The following PACC1 variants were observed in gnomAD, a reference collection of about 807,000 sequenced individuals.
The protein encoded by PACC1 is proton-activated chloride channel.
PACC1 carries 34 observed loss-of-function variants against 39.7 expected under a neutral mutation model. The ratio of observed to expected loss-of-function variants is 0.86; its 90% CI spans 0.65 to 1.14. The LOEUF (loss-of-function observed/expected upper bound fraction) is 1.14. PACC1 is among the 50% of genes most tolerant of loss of function. PACC1 has a pLI of 0.00. For missense variants in PACC1, 379 were observed against 436.4 expected, an observed-to-expected ratio of 0.87 and a Z score of 1.17; for synonymous variants, 127 against 160.6, an observed-to-expected ratio of 0.79 and a Z score of 1.58.
chr1:212,402,108 T>C (rs1661738021), intron 2 of PACC1, among the ~76,000 whole-genome samples: 4 of 152,242 alleles, frequency 2.6e-5, no homozygotes, highest in Admixed American at 2.0e-4. Flanking sequence ...CTATGAATAT[T>C]CATGTACACA....
intron 2 of PACC1, among the ~76,000 whole-genome samples, chr1:212,396,801 T>G (rs1245352024): frequency 7.5e-3 from 7 of 938 alleles, no homozygotes; most frequent in African/African-American, 0.038. Context: ...AAAAAATATC[T>G]ATCTATCTAT....
chr1:212,386,756 T>G lies in PACC1; in HGVS notation c.343+135A>C. The G allele has an allele frequency of 1.2e-6, 1 of 824,980 alleles. No homozygotes were observed. The highest frequency in any genetic ancestry group is 2.0e-6 in the Non-Finnish European group (1 of 496,794). 51.1% of individuals were successfully genotyped at this position (824,980 alleles called of 1,614,324 possible). The stretch of plus-strand genomic sequence containing the variant: ...ACAGCAGCTCCTTGGGCATAGACTC[T>G]ATACCTAGACTATGCTTGGTTGGAC... On this transcript the variant is annotated intron_variant, in intron 3 of 7. Transcript: ENST00000261455. This position sits in a 1 kb window ranked among gnomAD's most constrained non-coding sequence, Gnocchi z 5.0.
chr1:212,398,409 G>A (rs1011711125), intron 2 of PACC1, among the ~76,000 whole-genome samples: 1 of 152,196 alleles, frequency 6.6e-6, no homozygotes, highest in Non-Finnish European at 1.5e-5. Flanking sequence ...CTATAAACCA[G>A]TGAATGTTCC....
intron 4 of PACC1, among the ~76,000 whole-genome samples, chr1:212,381,394 T>C (rs1481770762): frequency 6.6e-6 from 1 of 152,180 alleles, no homozygotes; most frequent in Non-Finnish European, 1.5e-5. Flanking sequence ...TGTCCATCTA[T>C]TTATTTTTCA....
intron 4 of PACC1, among the ~76,000 whole-genome samples, chr1:212,382,622 C>T (rs532118414): frequency 8.1e-4 from 124 of 152,290 alleles, no homozygotes; most frequent in South Asian, 1.9e-3. Flanking sequence ...TGATTAGATG[C>T]GAACAGCCAG....
At chr1:212,407,607 T>C (rs1661965110) in intron 2 of PACC1, among the ~76,000 whole-genome samples, 1 of 152,208 alleles carries the variant, frequency 6.6e-6, no homozygotes, top group Non-Finnish European at 1.5e-5. Flanking sequence ...ATATTGGGCT[T>C]TAATAAAAGA....
At chr1:212,400,914 A>G (rs1661686634) in intron 2 of PACC1, among the ~76,000 whole-genome samples, 1 of 152,198 alleles carries the variant, frequency 6.6e-6, no homozygotes, top group East Asian at 1.9e-4. Flanking sequence ...GTTACTGAAA[A>G]TATCATGGAA....
At chr1:212,366,712 C>T (rs545558160) in intron 7 of PACC1, among the ~76,000 whole-genome samples, 19 of 152,254 alleles carry the variant, frequency 1.2e-4, no homozygotes, top group South Asian at 4.1e-4. Flanking sequence ...TAATAGGTAC[C>T]TCATACTGAA....
intron 7 of PACC1, among the ~76,000 whole-genome samples, chr1:212,369,020 C>T (rs1401928418): frequency 6.6e-5 from 7 of 105,852 alleles, no homozygotes; most frequent in African/African-American, 1.4e-4. Flanking sequence ...GGTGAGACTC[C>T]GTCTCAAAAA....
At chr1:212,405,911 G>A (rs1439465871) in intron 2 of PACC1, among the ~76,000 whole-genome samples, 1 of 152,004 alleles carries the variant, frequency 6.6e-6, no homozygotes, top group Non-Finnish European at 1.5e-5. Context: ...GGAGGTCAAG[G>A]CAGGAGGATC....
At chr1:212,365,620 T>TG (rs1660212574) in intron 7 of PACC1, among the ~76,000 whole-genome samples, 2 of 151,982 alleles carry the variant, frequency 1.3e-5, no homozygotes, top group Admixed American at 1.3e-4. Flanking sequence ...TTAGTAGTGT[T>TG]ATTATCAAGA....
intron 2 of PACC1, among the ~76,000 whole-genome samples, chr1:212,394,627 G>A (rs538944194): frequency 1.3e-5 from 2 of 152,234 alleles, no homozygotes; most frequent in South Asian, 2.1e-4. Context: ...ATTCAATGAG[G>A]AAAAGAGGAA....
rs750242868 is a variant in PACC1, at chr1:212,365,353, G to T, written c.915C>A (p.Asn305Lys). 32 of 1,609,758 alleles carry T rather than the reference G, an allele frequency of 2.0e-5. No individual in the cohort carries two copies. Among genetic ancestry groups the T allele is most frequent in the South Asian group, 4.4e-5 (4 of 90,618 alleles). The change falls in exon 8 of 8, where the codon AAC becomes AAA. Residue 305 changes from asparagine to lysine, a missense_variant. By Grantham distance (94) the Asn-to-Lys change is moderately conservative (BLOSUM62 0). Transcript: ENST00000261455. Reference sequence around the variant, plus strand: ...AGGCGCCACAGAGAAGAGCAATTGTGTTCCAAGGATTGGCAGTGACTATCT... The same window carrying T: ...AGGCGCCACAGAGAAGAGCAATTGTTTTCCAAGGATTGGCAGTGACTATCT... ...VQDIVTANPW[N>K]TIALLCGAFL...
rs764450134 is a variant in PACC1, at chr1:212,380,040, G to T, written c.496-3C>A. On this transcript the variant is annotated splice_region_variant and splice_polypyrimidine_tract_variant and intron_variant, in intron 4 of 7. Coordinates refer to ENST00000261455, the MANE Select transcript of PACC1 (RefSeq NM_018252.3). ...CCCTGGACAATCAGGGCAGATTTCTGCAGAGAGAAAAAGGACAGAGTCTCA... is the reference window on the plus strand; with the variant it reads ...CCCTGGACAATCAGGGCAGATTTCTTCAGAGAGAAAAAGGACAGAGTCTCA... 1.9e-6 allele frequency: 3 copies of T among 1,613,602 alleles called. No individual in the cohort carries two copies. In the African/African-American group the frequency reaches 4.0e-5, roughly 22 times the overall value.
intron 2 of PACC1, among the ~76,000 whole-genome samples, chr1:212,399,839 T>C (rs1033409556): frequency 5.3e-5 from 8 of 151,660 alleles, no homozygotes; most frequent in African/African-American, 1.9e-4. Flanking sequence ...CCACTGTACC[T>C]GACCTGGAAA....
At chr1:212,367,623 G>A (rs1660293050) in intron 7 of PACC1, among the ~76,000 whole-genome samples, 1 of 152,110 alleles carries the variant, frequency 6.6e-6, no homozygotes, top group Admixed American at 6.5e-5. Context: ...ACTGGTCTGG[G>A]AGTCTGTGGG....
intron 2 of PACC1, among the ~76,000 whole-genome samples, chr1:212,389,470 C>T (rs1357080466): frequency 6.6e-6 from 1 of 152,118 alleles, no homozygotes; most frequent in African/African-American, 2.4e-5. Context: ...TTCTGAAGAT[C>T]ATAACAGAAT....
At chr1:212,414,081 C>T (rs573390644) in intron 1 of PACC1, 1 of 1,532,950 alleles carries the variant, frequency 6.5e-7, no homozygotes, top group Admixed American at 2.0e-5. Flanking sequence ...GACGCACAGC[C>T]TGCAGCGCAG....
chr1:212,402,212 T>C (rs1661742168), intron 2 of PACC1, among the ~76,000 whole-genome samples: 5 of 152,248 alleles, frequency 3.3e-5, no homozygotes. Context: ...ATGGTAACTC[T>C]GTAGTTAACC....
Sources: gnomAD v4.1 joint callset for allele counts (sites outside exome capture counted in the v4.1 genomes callset) on GRCh38, gnomAD v4.1.1 for gene constraint, Gnocchi (gnomAD v3.1) non-coding constraint, MANE v1.5 for transcripts, NCBI Gene and HGNC (gene_info 2026-07-23, HGNC 2026-07-21) for gene names.